SRGAP3: variants seen among roughly 807,000 people sequenced by gnomAD.
SRGAP3 encodes SLIT-ROBO Rho GTPase activating protein 3, also known as SLIT-ROBO Rho GTPase-activating protein 3.
In SRGAP3, 39 loss-of-function variants were observed where a neutral mutation model predicts 121.1. The ratio of observed to expected loss-of-function variants is 0.32; its 90% CI spans 0.25 to 0.42. The LOEUF (loss-of-function observed/expected upper bound fraction) is 0.42. Ranked by LOEUF, SRGAP3 falls within the 10% of genes least tolerant of loss-of-function variation. SRGAP3 has a pLI of 1.00. For synonymous variants in SRGAP3, 601 were observed against 570.0 expected, an observed-to-expected ratio of 1.05 and a Z score of -0.77; for missense variants, 1,213 against 1,470.6, an observed-to-expected ratio of 0.82 and a Z score of 2.86.
intron 1 of SRGAP3, among the ~76,000 whole-genome samples, chr3:9,353,565 T>C (rs1181960205): frequency 6.6e-6 from 1 of 152,196 alleles, no homozygotes; most frequent in Non-Finnish European, 1.5e-5. Flanking sequence ...ACAGGGGTTA[T>C]GTTACTAAAG....
intron 1 of SRGAP3, among the ~76,000 whole-genome samples, chr3:9,337,079 G>A (rs1955705954): frequency 6.6e-6 from 1 of 152,134 alleles, no homozygotes; most frequent in African/African-American, 2.4e-5. Flanking sequence ...ACCCAGGTGA[G>A]CCCTTGCAAA....
chr3:9,019,671 G>T (rs985765320), intron 14 of SRGAP3, among the ~76,000 whole-genome samples: 3 of 152,210 alleles, frequency 2.0e-5, no homozygotes, highest in African/African-American at 7.2e-5. Context: ...ACATGTCACT[G>T]CCAGAGCCTC....
chr3:9,318,872 G>A (rs772520129), intron 3 of SRGAP3, among the ~76,000 whole-genome samples: 40 of 151,262 alleles, frequency 2.6e-4, no homozygotes, highest in African/African-American at 9.4e-4. Flanking sequence ...GACTGAGACC[G>A]CATCTCAAGA....
At chr3:9,062,038 T>C (rs1322928713) in intron 5 of SRGAP3, among the ~76,000 whole-genome samples, 2 of 152,054 alleles carry the variant, frequency 1.3e-5, no homozygotes, top group African/African-American at 4.8e-5. Context: ...TCTCTAACTT[T>C]TCCCCAGGGT....
chr3:9,347,963 G>A (rs7614032), intron 1 of SRGAP3, among the ~76,000 whole-genome samples: 9,533 of 152,260 alleles, frequency 0.063, 1,061 homozygotes, highest in African/African-American at 0.22. Context: ...CTACTGCCAA[G>A]AGTAGCATGG....
In SRGAP3 at chr3:8,983,939, T is replaced by C; in HGVS notation, c.*1580A>G. The C allele has an allele frequency of 4.4e-6, 1 of 229,586 alleles. No individual in the cohort carries two copies. The highest frequency in any genetic ancestry group is 6.2e-5 in the East Asian group (1 of 16,122). The allele number at this position is 229,586 out of a possible 1,614,324, so 14.2% of individuals were successfully genotyped here. A position where few individuals can be genotyped will look rare whatever the true frequency, so the allele number is the denominator to read the frequency against. ...CGTGGGAACAGTAGGGAAAAGCCCC[T>C]GGGTCTCGCAGGAGAGGGTAAGTAA... On this transcript the variant is annotated 3_prime_UTR_variant, in exon 22 of 22. Transcript: ENST00000383836.
intron 1 of SRGAP3, among the ~76,000 whole-genome samples, chr3:9,217,143 C>T (rs1285003062): frequency 2.0e-5 from 3 of 152,036 alleles, no homozygotes; most frequent in Non-Finnish European, 2.9e-5. Context: ...GCATTTAAAA[C>T]GGTTAAGATA....
chr3:9,177,470 G>T (rs577117763), intron 1 of SRGAP3, among the ~76,000 whole-genome samples: 3 of 152,210 alleles, frequency 2.0e-5, no homozygotes, highest in Non-Finnish European at 4.4e-5. Flanking sequence ...GGAGGCAGGA[G>T]AGATGGTGCA....
chr3:9,261,875 T>C (rs997906982), intron 3 of SRGAP3, among the ~76,000 whole-genome samples: 9 of 78,536 alleles, frequency 1.1e-4, no homozygotes, highest in African/African-American at 2.9e-4. Flanking sequence ...CCTCATATAT[T>C]TAAAAAAAAA....
At chr3:9,153,737 T>C (rs533840934) in intron 1 of SRGAP3, among the ~76,000 whole-genome samples, 5 of 140,264 alleles carry the variant, frequency 3.6e-5, no homozygotes, top group African/African-American at 8.9e-5. Flanking sequence ...TCTTGCTATA[T>C]GTACTCTAAT....
intron 1 of SRGAP3, among the ~76,000 whole-genome samples, chr3:9,330,774 T>A (rs938283340): frequency 6.6e-5 from 10 of 152,032 alleles, no homozygotes; most frequent in Admixed American, 2.0e-4. Flanking sequence ...GAATCAGAAG[T>A]GAGGTACAGA....
chr3:9,163,978 CTACTA>C (rs1950689783), intron 1 of SRGAP3, among the ~76,000 whole-genome samples: 1 of 143,630 alleles, frequency 7.0e-6, no homozygotes. Flanking sequence ...CTCCCAGCAA[CTACTA>C]TTCTTTTTTT....
intron 1 of SRGAP3, among the ~76,000 whole-genome samples, chr3:9,158,622 G>A (rs1381690461): frequency 6.6e-6 from 1 of 152,140 alleles, no homozygotes; most frequent in African/African-American, 2.4e-5. Context: ...CAAAGCTGGG[G>A]CTCAAATCAC....
At chr3:9,067,781 A>C (rs1946499493) in intron 4 of SRGAP3, among the ~76,000 whole-genome samples, 1 of 152,174 alleles carries the variant, frequency 6.6e-6, no homozygotes, top group Admixed American at 6.5e-5. Flanking sequence ...CGTGTCCTGC[A>C]CATGTATCCT....
chr3:9,029,881 C>T (rs975175868), intron 12 of SRGAP3, among the ~76,000 whole-genome samples: 2 of 152,096 alleles, frequency 1.3e-5, no homozygotes, highest in Admixed American at 1.3e-4. Flanking sequence ...GTGGCGCATG[C>T]CTGTAATCCC....
In SRGAP3 at chr3:9,140,366, A is replaced by G. The variant is rs186551287; in HGVS notation, c.68-15449T>C. Among the ~76,000 whole-genome samples the G allele has an allele frequency of 3.9e-5, 6 of 152,366 alleles. No homozygotes were observed. The East Asian group carries it at 1.2e-3, about 29-fold the overall frequency. ...TTGTTAAATGACAAAAGTAGGTTAC[A>G]AAAATAGGATGTAGGGTTTAGTCCT... On this transcript the variant is annotated intron_variant, in intron 1 of 21. Transcript: ENST00000383836.
At chr3:9,343,961 A>G (rs1291724072) in intron 1 of SRGAP3, among the ~76,000 whole-genome samples, 1 of 152,224 alleles carries the variant, frequency 6.6e-6, no homozygotes, top group African/African-American at 2.4e-5. Flanking sequence ...TACTTTTAAA[A>G]ATTATAATTA....
intron 1 of SRGAP3, among the ~76,000 whole-genome samples, chr3:9,204,548 C>T (rs1952194560): frequency 6.6e-6 from 1 of 152,204 alleles, no homozygotes; most frequent in African/African-American, 2.4e-5. Flanking sequence ...AGGGTGTGTA[C>T]ACAACAGCTT....
chr3:9,141,553 G>GGGGTGT (rs955861514), intron 1 of SRGAP3, among the ~76,000 whole-genome samples: 61 of 138,462 alleles, frequency 4.4e-4, no homozygotes, highest in African/African-American at 9.3e-4. Flanking sequence ...TGACTTCAGG[G>GGGGTGT]GTGTGTGTGT....
Sources: gnomAD v4.1 joint callset for allele counts (sites outside exome capture counted in the v4.1 genomes callset) on GRCh38, gnomAD v4.1.1 for gene constraint, MANE v1.5 for transcripts, NCBI Gene and HGNC (gene_info 2026-07-23, HGNC 2026-07-21) for gene names.